PATJ: variants seen among roughly 807,000 people sequenced by gnomAD.
The protein encoded by PATJ is inaD-like protein.
PATJ carries 190 observed loss-of-function variants against 224.9 expected under a neutral mutation model. The ratio of observed to expected loss-of-function variants is 0.84; its 90% CI spans 0.75 to 0.95. The LOEUF is 0.95. Among genes scored for constraint, PATJ ranks in the 40% least tolerant of loss-of-function variants. PATJ has a pLI of 0.00. For synonymous variants in PATJ, 769 were observed against 820.3 expected (o/e 0.94, Z 1.07); for missense variants, 2,121 against 2,270.3 (o/e 0.93, Z 1.34).
intron 28 of PATJ, among the ~76,000 whole-genome samples, chr1:61,997,785 T>TTTTTG (rs3060985): frequency 0.16 from 21,582 of 136,942 alleles, 2,049 homozygotes; most frequent in Middle Eastern, 0.22. Flanking sequence ...TGTGTGCGGT[T>TTTTTG]TTTTGTTTTG....
intron 33 of PATJ, among the ~76,000 whole-genome samples, chr1:62,090,976 C>G (rs562738877): frequency 2.2e-4 from 33 of 152,318 alleles, no homozygotes; most frequent in African/African-American, 7.5e-4. Flanking sequence ...AGAAAAACTT[C>G]AGAACTAAAT....
At chr1:61,774,418 G>T (rs1317036622) in intron 6 of PATJ, among the ~76,000 whole-genome samples, 1 of 152,164 alleles carries the variant, frequency 6.6e-6, no homozygotes, top group Non-Finnish European at 1.5e-5. Context: ...AGTTAGAGGG[G>T]AAACACTTAT....
At chr1:62,057,180 G>C (rs1654692814) in intron 31 of PATJ, among the ~76,000 whole-genome samples, 2 of 152,196 alleles carry the variant, frequency 1.3e-5, no homozygotes, top group Admixed American at 6.5e-5. Flanking sequence ...CGTGCTAAGA[G>C]AGCGTATGAA....
intron 27 of PATJ, among the ~76,000 whole-genome samples, chr1:61,940,238 G>A (rs1469810957): frequency 6.6e-6 from 1 of 151,900 alleles, no homozygotes; most frequent in African/African-American, 2.4e-5. Flanking sequence ...TTTAAGATTG[G>A]GAATATGATA....
chr1:61,871,551 ATATATATTT>A (rs1666589038), intron 20 of PATJ, among the ~76,000 whole-genome samples: 1 of 19,626 alleles, frequency 5.1e-5, no homozygotes, highest in Admixed American at 1.3e-3. Context: ...ATATATATAT[ATATATATTT>A]TTTTTTTTTT....
chr1:61,871,499 A>ACACATATATATGTATATG (rs1666550129), intron 20 of PATJ, among the ~76,000 whole-genome samples: 1 of 139,412 alleles, frequency 7.2e-6, no homozygotes. Context: ...ATATGTATAT[A>ACACATATATATGTATATG]TACATATATA....
intron 21 of PATJ, among the ~76,000 whole-genome samples, chr1:61,878,974 T>TG (rs1379554943): frequency 1.3e-5 from 2 of 151,998 alleles, no homozygotes; most frequent in African/African-American, 4.8e-5. Flanking sequence ...TTAGTAGAGA[T>TG]GGGGTTTCAC....
chr1:62,099,973 G>T (rs919549752), intron 33 of PATJ, among the ~76,000 whole-genome samples: 34 of 152,188 alleles, frequency 2.2e-4, no homozygotes, highest in Non-Finnish European at 1.6e-4. Context: ...TTGATGAGCT[G>T]AAGTGTCTGG....
intron 26 of PATJ, among the ~76,000 whole-genome samples, chr1:61,919,130 A>C (rs1313383931): frequency 2.0e-5 from 3 of 150,766 alleles, no homozygotes; most frequent in Non-Finnish European, 4.4e-5. Context: ...TGTTCGTCTT[A>C]TCTGTTATAT....
intron 31 of PATJ, chr1:62,072,913 T>C (rs1184561592): frequency 4.9e-6 from 2 of 404,518 alleles, no homozygotes; most frequent in African/African-American, 4.4e-5. Context: ...AGTGTTTTGG[T>C]CATTTTTGTA....
At chr1:61,794,582 T>A (rs964244960) in intron 9 of PATJ, among the ~76,000 whole-genome samples, 11 of 152,150 alleles carry the variant, frequency 7.2e-5, no homozygotes, top group Admixed American at 2.0e-4. Flanking sequence ...ATTTAAAAAT[T>A]TTTTATAGCC....
chr1:61,917,178 C>G (rs538438717), intron 26 of PATJ, among the ~76,000 whole-genome samples: 1 of 152,242 alleles, frequency 6.6e-6, no homozygotes, highest in African/African-American at 2.4e-5. Flanking sequence ...GAGCTGTTAC[C>G]ATCTTTGTTC....
In PATJ at chr1:61,875,252, A is replaced by G; in HGVS notation, c.2845A>G (p.Asn949Asp). The change falls in exon 21 of 44, where the codon AAT (asparagine) becomes GAT (aspartate). Residue 949 changes from asparagine to aspartate, a missense_variant. Coordinates refer to ENST00000642238, the MANE Select transcript of PATJ (RefSeq NM_001350145.3). ...GYCPENVMKENFVMESLPSVP... is the reference protein window; with the variant it reads ...GYCPENVMKEDFVMESLPSVP... ...TTTTCTTCCTCTCAAGATGAAAGAA[A>G]ATTTTGTCATGGAGTCCCTACCATC... 1 of 1,590,922 alleles carries G rather than the reference A, an allele frequency of 6.3e-7. No individual in the cohort carries two copies.
intron 31 of PATJ, among the ~76,000 whole-genome samples, chr1:62,068,845 A>G (rs1425137455): frequency 6.6e-6 from 1 of 152,176 alleles, no homozygotes; most frequent in Non-Finnish European, 1.5e-5. Context: ...AGAATGTGTC[A>G]TATCAGTTTA....
intron 1 of PATJ, among the ~76,000 whole-genome samples, chr1:61,746,610 G>C (rs951152836): frequency 6.6e-6 from 1 of 152,144 alleles, no homozygotes; most frequent in Non-Finnish European, 1.5e-5. Context: ...ATATCACAAG[G>C]TCACATAAAA....
chr1:61,879,833 A>G (rs1429448567), intron 21 of PATJ, among the ~76,000 whole-genome samples: 1 of 145,594 alleles, frequency 6.9e-6, no homozygotes, highest in Non-Finnish European at 1.5e-5. Context: ...TACTCCATCT[A>G]TTTTTTTTTT....
chr1:61,984,158 A>AT (rs1453250650), intron 27 of PATJ, among the ~76,000 whole-genome samples: 1,985 of 131,358 alleles, frequency 0.015, 78 homozygotes, highest in African/African-American at 0.054. Context: ...AATTATTATT[A>AT]TTATTATTTT....
At chr1:62,058,578 G>C (rs1654913465) in intron 31 of PATJ, among the ~76,000 whole-genome samples, 2 of 152,172 alleles carry the variant, frequency 1.3e-5, no homozygotes, top group South Asian at 4.1e-4. Flanking sequence ...AAAAATTAGA[G>C]AAGATGGTGC....
chr1:61,943,474 C>G (rs982402912), intron 27 of PATJ, among the ~76,000 whole-genome samples: 1 of 152,156 alleles, frequency 6.6e-6, no homozygotes, highest in Admixed American at 6.5e-5. Flanking sequence ...GGGTCCCACG[C>G]CCACGGTCGC....
Sources: gnomAD v4.1 joint callset for allele counts (sites outside exome capture counted in the v4.1 genomes callset) on GRCh38, gnomAD v4.1.1 for gene constraint, MANE v1.5 for transcripts, NCBI Gene and HGNC (gene_info 2026-07-23, HGNC 2026-07-21) for gene names.